The following ATP1A1 variants were observed in gnomAD, a reference collection of about 807,000 sequenced individuals.
ATP1A1 encodes sodium/potassium-transporting ATPase subunit alpha-1.
In ATP1A1, 14 loss-of-function variants were observed where a neutral mutation model predicts 114.8. That is an observed-to-expected ratio of 0.12 (90% confidence interval 0.08 to 0.19). The LOEUF (loss-of-function observed/expected upper bound fraction) is 0.19. ATP1A1 is among the 10% of genes least tolerant of loss of function. ATP1A1 has a pLI of 1.00. For synonymous variants in ATP1A1, 471 were observed against 466.3 expected (o/e 1.01, Z -0.13); for missense variants, 524 against 1,290.7 (o/e 0.41, Z 9.10).
rs183605569 is a variant in ATP1A1 at position 116,392,609 on chromosome 1, C to T, written c.1333-245C>T. 2.4e-5 allele frequency: 10 copies of T among 409,540 alleles called. No individual in the cohort carries two copies. The East Asian group carries it at 3.7e-4, about 15-fold the overall frequency. The allele number at this position is 409,540 out of a possible 1,614,324, so 25.4% of individuals were successfully genotyped here. A position where few individuals can be genotyped will look rare whatever the true frequency, so the allele number is the denominator to read the frequency against. Reference sequence around the variant, plus strand: ...AGGGAAGGTGACACCTTCCCACACCCTTCTTTCACTAGAAGCTGCTGTGGG... The same window carrying T: ...AGGGAAGGTGACACCTTCCCACACCTTTCTTTCACTAGAAGCTGCTGTGGG... On this transcript the variant is annotated intron_variant, in intron 10 of 22. Coordinates refer to ENST00000295598, the MANE Select transcript of ATP1A1 (RefSeq NM_000701.8).
At chr1:116,386,509 C>G (rs1332925797) in intron 3 of ATP1A1, among the ~76,000 whole-genome samples, 1 of 151,920 alleles carries the variant, frequency 6.6e-6, no homozygotes, top group Non-Finnish European at 1.5e-5. Context: ...AACATGAGCA[C>G]AAAACACAGA....
At position 116,399,128 on chromosome 1, in the gene ATP1A1, G is replaced by C. The variant is rs778097325; in HGVS notation, c.2448+44G>C. 1 of 1,610,634 alleles carries C rather than the reference G, an allele frequency of 6.2e-7. No individual in the cohort carries two copies. The highest frequency in any genetic ancestry group is 1.7e-5 in the Admixed American group (1 of 59,976). ...ACAGATCGATAGTAGTGAGGTGTGA[G>C]CTGTGTCTTCATTCACTGGCACTAT... is the stretch of plus-strand genomic sequence containing the variant. On this transcript the variant is annotated intron_variant, in intron 17 of 22. Coordinates refer to ENST00000295598, the MANE Select transcript of ATP1A1 (RefSeq NM_000701.8). This position sits in a 1 kb window ranked among gnomAD's most constrained non-coding sequence, Gnocchi z 5.0.
At position 116,388,070 on chromosome 1, in the gene ATP1A1, A is replaced by C; in HGVS notation, c.388-61A>C. 1 of 1,092,102 alleles carries C rather than the reference A, an allele frequency of 9.2e-7. No individual in the cohort carries two copies. Among genetic ancestry groups the C allele is most frequent in the Admixed American group, 2.3e-5 (1 of 43,998 alleles). 67.7% of individuals were successfully genotyped at this position (1,092,102 alleles called of 1,614,324 possible). On this transcript the variant is annotated intron_variant, in intron 4 of 22. Coordinates refer to ENST00000295598, the MANE Select transcript of ATP1A1 (RefSeq NM_000701.8). This position sits in a 1 kb window ranked among gnomAD's most constrained non-coding sequence, Gnocchi z 5.6. ...CTGTTTTTTATTCAGTCAAAAAATT[A>C]ATTGAATGTCCCTAATTATTGTGTA...
Position 116,373,370 on chromosome 1 carries a change from T to TG in ATP1A1, c.-142_-141insG. On this transcript the variant is annotated 5_prime_UTR_variant, in exon 1 of 23. Transcript: ENST00000295598. ...CATCGGCCCGAGCCGCCGGCCGCCC[T>TG]CCCACCCTCCCGCCCCGCGGCAGCC... The TG allele has an allele frequency of 2.6e-4, 88 of 333,810 alleles. No homozygotes were observed. Among genetic ancestry groups the TG allele is most frequent in the East Asian group, 6.2e-4 (7 of 11,234 alleles). The allele number at this position is 333,810 out of a possible 1,614,324, so 20.7% of individuals were successfully genotyped here.
chr1:116,403,129 A>G (rs866039487), intron 21 of ATP1A1, among the ~76,000 whole-genome samples: 14 of 152,276 alleles, frequency 9.2e-5, no homozygotes, highest in African/African-American at 3.4e-4. Flanking sequence ...GTTCTGCCCA[A>G]TTTTGGAAGG....
At chr1:116,374,138 C>G in intron 1 of ATP1A1, 3 of 1,546,912 alleles carry the variant, frequency 1.9e-6, no homozygotes, top group Non-Finnish European at 2.6e-6. Flanking sequence ...CAGAGGCGGC[C>G]GCCCTCCCCC....
In ATP1A1 at chr1:116,388,876, A is replaced by G; in HGVS notation, c.637-26A>G. ...GATAAGGCTGGTGTATTCACATGAC[A>G]TTTTTCTTCTTTTCCTCACATATAG... On this transcript the variant is annotated intron_variant, in intron 6 of 22. Transcript: ENST00000295598. The surrounding 1 kb of genome is among the most constrained non-coding windows in gnomAD (Gnocchi z 5.6). The G allele has an allele frequency of 6.2e-7, 1 of 1,613,460 alleles. No individual in the cohort carries two copies. The highest frequency in any genetic ancestry group is 1.3e-5 in the African/African-American group (1 of 74,914).
Position 116,389,853 on chromosome 1 carries a change from A to G in ATP1A1, c.1023+146A>G, listed in dbSNP as rs1652326493. The G allele has an allele frequency of 1.1e-5, 14 of 1,219,012 alleles. No individual in the cohort carries two copies. Among genetic ancestry groups the G allele is most frequent in the Non-Finnish European group, 1.2e-5 (11 of 894,532 alleles). The allele number at this position is 1,219,012 out of a possible 1,614,324, so 75.5% of individuals were successfully genotyped here. A position where few individuals can be genotyped will look rare whatever the true frequency, so the allele number is the denominator to read the frequency against. On this transcript the variant is annotated intron_variant, in intron 8 of 22. Transcript: ENST00000295598. The surrounding 1 kb of genome is among the most constrained non-coding windows in gnomAD (Gnocchi z 6.9). Reference sequence around the variant, plus strand: ...TTCTTGAGAGCCACATCACGTGGTGAATTTTGACAGTGAGAAAACCTCAGC... The same window carrying G: ...TTCTTGAGAGCCACATCACGTGGTGGATTTTGACAGTGAGAAAACCTCAGC...
Position 116,389,139 on chromosome 1 carries a change from C to T in ATP1A1, c.754+120C>T, listed in dbSNP as rs1456280658. The T allele has an allele frequency of 1.6e-5, 17 of 1,060,970 alleles. No individual in the cohort carries two copies. The highest frequency in any genetic ancestry group is 2.4e-5 in the Non-Finnish European group (17 of 707,882). 65.7% of individuals were successfully genotyped at this position (1,060,970 alleles called of 1,614,324 possible). A position where few individuals can be genotyped will look rare whatever the true frequency, so the allele number is the denominator to read the frequency against. ...TCCATTTCTGAGAACTTGTGTCAAGCACAGAGCAGAGGTGTTTTCCTAGCT... is the reference window on the plus strand; with the variant it reads ...TCCATTTCTGAGAACTTGTGTCAAGTACAGAGCAGAGGTGTTTTCCTAGCT... On this transcript the variant is annotated intron_variant, in intron 7 of 22. Transcript: ENST00000295598. The surrounding 1 kb of genome is among the most constrained non-coding windows in gnomAD (Gnocchi z 6.9).
rs1192449947 is a variant in ATP1A1, at chr1:116,402,719, C to T, written c.2951+1064C>T. 2.6e-5 allele frequency among the ~76,000 whole-genome samples: 4 copies of T among 152,372 alleles called. No homozygotes were observed. The East Asian group carries it at 7.7e-4, about 29-fold the overall frequency. ...AAGATCCTTCCTCCCCACATCCCTC[C>T]TTCTGTTCCCTCTTACCCTGCCAAT... On this transcript the variant is annotated intron_variant, in intron 21 of 22. Transcript: ENST00000295598.
chr1:116,395,339 C>T lies in ATP1A1; in HGVS notation c.1836+54C>T, dbSNP rs986574043. The stretch of plus-strand genomic sequence containing the variant: ...TCTCTTAGTGCCTTGGGACACCCTA[C>T]TCAGTGAATGTTGCCTTTTGAGGTC... On this transcript the variant is annotated intron_variant, in intron 13 of 22. Coordinates refer to ENST00000295598, the MANE Select transcript of ATP1A1 (RefSeq NM_000701.8). This position sits in a 1 kb window ranked among gnomAD's most constrained non-coding sequence, Gnocchi z 6.4. 6.3e-7 allele frequency: 1 copy of T among 1,581,884 alleles called. No homozygotes were observed. Among genetic ancestry groups the T allele is most frequent in the African/African-American group, 1.4e-5 (1 of 73,914 alleles).
At chr1:116,377,813 C>G (rs1199039459) in intron 1 of ATP1A1, among the ~76,000 whole-genome samples, 1 of 152,290 alleles carries the variant, frequency 6.6e-6, no homozygotes, top group Middle Eastern at 3.4e-3. Flanking sequence ...CGGCAAAGCA[C>G]CAGGCAAAAT....
At chr1:116,391,027 CTT>C (rs1652427585) in intron 10 of ATP1A1, 136 bp downstream of exon 10, 1 of 684,654 alleles carries the variant, frequency 1.5e-6, no homozygotes, top group Non-Finnish European at 2.5e-6. Context: ...CTGTGCAGTA[CTT>C]TGCTGTGTGT....
chr1:116,398,588 T>G lies in ATP1A1; in HGVS notation c.2125-33T>G, dbSNP rs990244489. On this transcript the variant is annotated intron_variant, in intron 15 of 22. Coordinates refer to ENST00000295598, the MANE Select transcript of ATP1A1 (RefSeq NM_000701.8). The surrounding 1 kb of genome is among the most constrained non-coding windows in gnomAD (Gnocchi z 6.1). ...TATTTCCATCGCTAGGAAAAGTGAT[T>G]GGTATTAACCCGTTTTCCCTTTTCT... is the stretch of plus-strand genomic sequence containing the variant. 4 of 1,600,688 alleles carry G rather than the reference T, an allele frequency of 2.5e-6. No individual in the cohort carries two copies. The highest frequency in any genetic ancestry group is 3.4e-6 in the Non-Finnish European group (4 of 1,171,210).
chr1:116,377,521 C>G (rs1651454019), intron 1 of ATP1A1, among the ~76,000 whole-genome samples: 1 of 152,230 alleles, frequency 6.6e-6, no homozygotes, highest in African/African-American at 2.4e-5. Flanking sequence ...CAACTGTTAT[C>G]TTCGCTCAAC....
intron 1 of ATP1A1, among the ~76,000 whole-genome samples, chr1:116,376,803 A>G (rs1651404213): frequency 6.6e-6 from 1 of 152,252 alleles, no homozygotes; most frequent in Admixed American, 6.5e-5. Flanking sequence ...ACAAAAAAAA[A>G]GATGCCTTTA....
rs1570946021 is a variant in ATP1A1 at position 116,381,976 on chromosome 1, A to G, written c.13-2038A>G. On this transcript the variant is annotated intron_variant, in intron 1 of 22. Coordinates refer to ENST00000295598, the MANE Select transcript of ATP1A1 (RefSeq NM_000701.8). This position sits in a 1 kb window ranked among gnomAD's most constrained non-coding sequence, Gnocchi z 5.1. ...TGGATCATGAGGTAAGGAGTTCAAG[A>G]CCAGCCTGGCCAAGATGGTGAAACC... Among the ~76,000 whole-genome samples, 1 of 152,144 alleles carries G rather than the reference A, an allele frequency of 6.6e-6. No individual in the cohort carries two copies. Among genetic ancestry groups the G allele is most frequent in the Admixed American group, 6.5e-5 (1 of 15,286 alleles).
At chr1:116,386,577 G>A (rs1409472598) in intron 3 of ATP1A1, among the ~76,000 whole-genome samples, 7 of 152,186 alleles carry the variant, frequency 4.6e-5, no homozygotes, top group African/African-American at 1.7e-4. Flanking sequence ...TATTTTGAGA[G>A]TATAAAAGTG....
At position 116,398,870 on chromosome 1, in the gene ATP1A1, T is replaced by A. The variant is rs1275567749; in HGVS notation, c.2294-60T>A. On this transcript the variant is annotated intron_variant, in intron 16 of 22. Coordinates refer to ENST00000295598, the MANE Select transcript of ATP1A1 (RefSeq NM_000701.8). The surrounding 1 kb of genome is among the most constrained non-coding windows in gnomAD (Gnocchi z 6.1). The stretch of plus-strand genomic sequence containing the variant: ...TCCATTTCTGTATACTTCTTGGATA[T>A]GTTCAGTTTCCAGTGTGCTTGTCTC... 6.2e-7 allele frequency: 1 copy of A among 1,610,938 alleles called. No homozygotes were observed. Among genetic ancestry groups the A allele is most frequent in the Non-Finnish European group, 8.5e-7 (1 of 1,177,532 alleles).
Sources: gnomAD v4.1 joint callset for allele counts (sites outside exome capture counted in the v4.1 genomes callset) on GRCh38, gnomAD v4.1.1 for gene constraint, Gnocchi (gnomAD v3.1) non-coding constraint, MANE v1.5 for transcripts, NCBI Gene and HGNC (gene_info 2026-07-23, HGNC 2026-07-21) for gene names.